Variants in BTBD9 observed in about 807,000 individuals in gnomAD.
BTBD9 encodes BTB/POZ domain-containing protein 9.
A neutral mutation model predicts 64.3 loss-of-function variants in BTBD9; 49 were observed. The observed-to-expected ratio is 0.76, with a 90% CI of 0.61 to 0.97. The LOEUF is 0.97. Ranked by LOEUF, BTBD9 falls within the 50% of genes least tolerant of loss-of-function variation. BTBD9 has a pLI of 0.00. For synonymous variants in BTBD9, 260 were observed against 274.7 expected (o/e 0.95, Z 0.53); for missense variants, 598 against 762.1 (o/e 0.78, Z 2.53).
intron 6 of BTBD9, among the ~76,000 whole-genome samples, chr6:38,371,103 G>A (rs946399684): frequency 6.6e-6 from 1 of 152,118 alleles, no homozygotes; most frequent in Non-Finnish European, 1.5e-5. Flanking sequence ...TGCTCTTGCT[G>A]ACTGACTGAG....
chr6:38,287,338 T>C (rs1213367918), intron 8 of BTBD9, among the ~76,000 whole-genome samples: 1 of 151,826 alleles, frequency 6.6e-6, no homozygotes, highest in African/African-American at 2.4e-5. Flanking sequence ...AGATGAGACC[T>C]TGTAATGTTG....
At chr6:38,544,929 A>G (rs1443760359) in intron 6 of BTBD9, among the ~76,000 whole-genome samples, 1 of 32,066 alleles carries the variant, frequency 3.1e-5, no homozygotes, top group Non-Finnish European at 5.5e-5. Flanking sequence ...CTACATCTCA[A>G]AAAAAAAAAA....
chr6:38,449,992 A>T (rs956421430), intron 6 of BTBD9, among the ~76,000 whole-genome samples: 1 of 152,228 alleles, frequency 6.6e-6, no homozygotes, highest in Non-Finnish European at 1.5e-5. Context: ...AGCACTATTC[A>T]TAACAGTCAA....
At chr6:38,246,704 C>T (rs531329566) in intron 9 of BTBD9, among the ~76,000 whole-genome samples, 25 of 152,094 alleles carry the variant, frequency 1.6e-4, no homozygotes, top group African/African-American at 5.8e-4. Flanking sequence ...ATAAAATCTT[C>T]ATCGAGCATT....
chr6:38,238,745 T>C (rs1393940871), intron 9 of BTBD9, among the ~76,000 whole-genome samples: 1 of 152,132 alleles, frequency 6.6e-6, no homozygotes, highest in Non-Finnish European at 1.5e-5. Flanking sequence ...AGTGCCAGGA[T>C]TACAGGCGTG....
At chr6:38,494,772 G>A (rs1448875924) in intron 6 of BTBD9, among the ~76,000 whole-genome samples, 3 of 152,152 alleles carry the variant, frequency 2.0e-5, no homozygotes, top group Non-Finnish European at 4.4e-5. Flanking sequence ...GGTTACCTTT[G>A]CAGATTACCA....
At chr6:38,556,043 T>G (rs1003000625) in intron 6 of BTBD9, among the ~76,000 whole-genome samples, 1 of 152,206 alleles carries the variant, frequency 6.6e-6, no homozygotes, top group African/African-American at 2.4e-5. Flanking sequence ...TGATTACTTC[T>G]GTTTCCCTAT....
intron 6 of BTBD9, among the ~76,000 whole-genome samples, chr6:38,449,425 T>C (rs1257931665): frequency 6.6e-6 from 1 of 151,824 alleles, no homozygotes; most frequent in African/African-American, 2.4e-5. Flanking sequence ...AATAGACACA[T>C]AGACTAGTGA....
intron 6 of BTBD9, among the ~76,000 whole-genome samples, chr6:38,428,599 A>G (rs1008800420): frequency 2.0e-5 from 3 of 151,862 alleles, no homozygotes; most frequent in Non-Finnish European, 2.9e-5. Context: ...AACACCAAGA[A>G]CAGTGTTTGA....
At chr6:38,234,759 G>T (rs748113629) in intron 9 of BTBD9, among the ~76,000 whole-genome samples, 3 of 152,198 alleles carry the variant, frequency 2.0e-5, no homozygotes, top group Non-Finnish European at 4.4e-5. Context: ...CAGAACCATG[G>T]CTAAGAGCCA....
chr6:38,304,375 G>A (rs1382260995), intron 7 of BTBD9, among the ~76,000 whole-genome samples: 1 of 151,772 alleles, frequency 6.6e-6, no homozygotes, highest in Non-Finnish European at 1.5e-5. Context: ...GTGAAACCCC[G>A]TTTCTACTAA....
At chr6:38,428,675 A>G (rs1264750710) in intron 6 of BTBD9, among the ~76,000 whole-genome samples, 1 of 151,234 alleles carries the variant, frequency 6.6e-6, no homozygotes, top group African/African-American at 2.4e-5. Context: ...CTGTTAAATA[A>G]TACAGCTTAT....
At chr6:38,262,548 T>C (rs372446762) in intron 8 of BTBD9, among the ~76,000 whole-genome samples, 6 of 152,104 alleles carry the variant, frequency 3.9e-5, no homozygotes, top group African/African-American at 1.4e-4. Context: ...CTGCATACCA[T>C]TGATTACCAG....
intron 4 of BTBD9, among the ~76,000 whole-genome samples, chr6:38,584,622 G>T (rs1485997106): frequency 6.6e-6 from 1 of 152,104 alleles, no homozygotes; most frequent in Non-Finnish European, 1.5e-5. Flanking sequence ...ATTCGCCCCA[G>T]TGGATTATTT....
At position 38,565,079 on chromosome 6, in the gene BTBD9, C is replaced by T. The variant is rs1295777919; in HGVS notation, c.1154+12521G>A. Reference sequence around the variant, plus strand: ...CATTTAGGTTCTAAACTTCAAAATTCTTCTTGATTTTTTTTCTCCATATTC... The same window carrying T: ...CATTTAGGTTCTAAACTTCAAAATTTTTCTTGATTTTTTTTCTCCATATTC... On this transcript the variant is annotated intron_variant, in intron 6 of 10. Transcript: ENST00000481247. 2.0e-5 allele frequency among the ~76,000 whole-genome samples: 3 copies of T among 152,162 alleles called. No homozygotes were observed. The East Asian group carries it at 5.8e-4, about 29-fold the overall frequency.
chr6:38,470,955 A>G (rs550417876), intron 6 of BTBD9, among the ~76,000 whole-genome samples: 151 of 152,348 alleles, frequency 9.9e-4, no homozygotes, highest in African/African-American at 3.4e-3. Context: ...AAATTAGAAA[A>G]GAGCAGTTTT....
At chr6:38,588,876 T>C (rs537598369) in intron 4 of BTBD9, among the ~76,000 whole-genome samples, 76 of 152,332 alleles carry the variant, frequency 5.0e-4, no homozygotes, top group African/African-American at 1.8e-3. Context: ...GTACTAAAAG[T>C]AGAGCCCTTT....
chr6:38,299,601 T>C (rs1561992160), intron 7 of BTBD9, among the ~76,000 whole-genome samples: 2 of 152,236 alleles, frequency 1.3e-5, no homozygotes, highest in Non-Finnish European at 2.9e-5. Flanking sequence ...ATTTCTCTGA[T>C]GGCCAGTGAT....
chr6:38,463,888 C>G (rs987308985), intron 6 of BTBD9, among the ~76,000 whole-genome samples: 1 of 152,044 alleles, frequency 6.6e-6, no homozygotes, highest in Non-Finnish European at 1.5e-5. Flanking sequence ...AAAAATTAGC[C>G]AGGCATGGTG....
Sources: gnomAD v4.1 joint callset for allele counts (sites outside exome capture counted in the v4.1 genomes callset) on GRCh38, gnomAD v4.1.1 for gene constraint, MANE v1.5 for transcripts, NCBI Gene and HGNC (gene_info 2026-07-23, HGNC 2026-07-21) for gene names.